RARB: variants seen among roughly 807,000 people sequenced by gnomAD.
The protein encoded by RARB is retinoic acid receptor beta, also known as HBV-activated protein.
RARB carries 17 observed loss-of-function variants against 51.9 expected under a neutral mutation model. The observed-to-expected ratio is 0.33, with a 90% CI of 0.22 to 0.49. The LOEUF (loss-of-function observed/expected upper bound fraction) is 0.49. Ranked by LOEUF, RARB falls within the 20% of genes least tolerant of loss-of-function variation. The pLI is 0.99. For synonymous variants in RARB, 215 were observed against 195.4 expected (o/e 1.10, Z -0.84); for missense variants, 369 against 550.8 (o/e 0.67, Z 3.30).
intron 1 of RARB, among the ~76,000 whole-genome samples, chr3:24,832,639 A>G (rs1171241599): frequency 7.0e-6 from 1 of 141,892 alleles, no homozygotes; most frequent in African/African-American, 2.7e-5. Context: ...ATATATATAT[A>G]TATATATATA....
intron 5 of RARB, among the ~76,000 whole-genome samples, chr3:25,353,123 G>A (rs184079885): frequency 2.0e-5 from 3 of 152,130 alleles, no homozygotes; most frequent in Non-Finnish European, 4.4e-5. Flanking sequence ...TCAACACACA[G>A]CTGCCTTTAC....
At chr3:25,066,880 G>A (rs1449071815) in intron 3 of RARB, among the ~76,000 whole-genome samples, 1 of 152,076 alleles carries the variant, frequency 6.6e-6, no homozygotes, top group Non-Finnish European at 1.5e-5. Flanking sequence ...TGGCTCACCG[G>A]TCTGGTCATG....
chr3:25,280,472 A>G (rs1244168027), intron 5 of RARB, among the ~76,000 whole-genome samples: 3 of 152,160 alleles, frequency 2.0e-5, no homozygotes, highest in Non-Finnish European at 4.4e-5. Flanking sequence ...TGAAACGCTG[A>G]GTGAAATGAC....
chr3:25,346,931 G>A (rs1218727562), intron 5 of RARB, among the ~76,000 whole-genome samples: 1 of 152,220 alleles, frequency 6.6e-6, no homozygotes, highest in Non-Finnish European at 1.5e-5. Flanking sequence ...CTATAGTCAA[G>A]TTAGTAAGAG....
At chr3:24,855,372 T>C (rs1702618136) in intron 1 of RARB, among the ~76,000 whole-genome samples, 1 of 152,142 alleles carries the variant, frequency 6.6e-6, no homozygotes, top group Non-Finnish European at 1.5e-5. Flanking sequence ...TAGAAAGGCA[T>C]GGCAGGAAAA....
rs766378555 is a variant in RARB, at chr3:25,421,403, CTTTTTTT to C, written c.179-39768_179-39762del. On this transcript the variant is annotated intron_variant, in intron 5 of 11. Transcript: ENST00000383772. ...TTGCACTAACATTTTTTCTTCTTTTCTTTTTTTTTTTTTTTTTTTTTTTTTTTTGAGA... is the reference window on the plus strand; with the variant it reads ...TTGCACTAACATTTTTTCTTCTTTTCTTTTTTTTTTTTTTTTTTTTTGAGA... Among the ~76,000 whole-genome samples, 346 of 72,322 alleles carry C rather than the reference CTTTTTTT, an allele frequency of 4.8e-3. 1 individual carries two copies. The highest frequency in any genetic ancestry group is 0.02 in the African/African-American group (312 of 15,460). The allele number at this position is 72,322 out of a possible 152,430, so 47.4% of individuals were successfully genotyped here.
intron 3 of RARB, among the ~76,000 whole-genome samples, chr3:25,528,488 A>G (rs980949308): frequency 4.6e-5 from 7 of 151,874 alleles, no homozygotes; most frequent in African/African-American, 1.5e-4. Flanking sequence ...AACTGAGGTA[A>G]CTCACCCAGA....
chr3:25,026,076 A>G (rs112308547), intron 2 of RARB, among the ~76,000 whole-genome samples: 115 of 152,260 alleles, frequency 7.6e-4, no homozygotes, highest in Non-Finnish European at 1.0e-3. Flanking sequence ...TTAAGTTTTC[A>G]TGAGTGCTCT....
intron 2 of RARB, among the ~76,000 whole-genome samples, chr3:24,872,997 G>A (rs1702975625): frequency 6.6e-6 from 1 of 152,162 alleles, no homozygotes; most frequent in Non-Finnish European, 1.5e-5. Flanking sequence ...CAGCTTTGTG[G>A]ACCATACATC....
chr3:25,213,543 G>T (rs1701748806), intron 5 of RARB, among the ~76,000 whole-genome samples: 1 of 152,042 alleles, frequency 6.6e-6, no homozygotes, highest in Admixed American at 6.6e-5. Flanking sequence ...CATGTCTTTT[G>T]GTGACCACGT....
rs570002046 is a variant in RARB at position 25,030,270 on chromosome 3, C to T, written c.-379-29855C>T. Reference sequence around the variant, plus strand: ...CCCTTACACATGTTAAAGCCAGCAGCGCTAGCTGAAAATTACATATATTTT... The same window carrying T: ...CCCTTACACATGTTAAAGCCAGCAGTGCTAGCTGAAAATTACATATATTTT... On this transcript the variant is annotated intron_variant, in intron 2 of 11. Transcript: ENST00000383772. Among the ~76,000 whole-genome samples, 95 of 152,296 alleles carry T rather than the reference C, an allele frequency of 6.2e-4. 1 individual carries two copies. Among genetic ancestry groups the T allele is most frequent in the African/African-American group, 2.1e-3 (89 of 41,580 alleles).
intron 5 of RARB, among the ~76,000 whole-genome samples, chr3:25,234,645 A>AC (rs1280690411): frequency 6.9e-6 from 1 of 145,654 alleles, no homozygotes; most frequent in Non-Finnish European, 1.5e-5. Context: ...TTTCCCTGGG[A>AC]CTTTTTTTTC....
intron 1 of RARB, among the ~76,000 whole-genome samples, chr3:25,451,039 A>C (rs1709172277): frequency 6.6e-6 from 1 of 152,196 alleles, no homozygotes; most frequent in African/African-American, 2.4e-5. Flanking sequence ...GTGAGCTGAG[A>C]TCGTGCCATG....
rs1443893296 is a variant in RARB at position 25,428,580 on chromosome 3, C to T, written c.-152C>T. On this transcript the variant is annotated 5_prime_UTR_variant, in exon 1 of 8. Transcript: ENST00000330688. Reference sequence around the variant, plus strand: ...ACAGGCTTTTAGCTGGCTTGTCTGTCATAATTCATGATTCGGGGCTGGGAA... The same window carrying T: ...ACAGGCTTTTAGCTGGCTTGTCTGTTATAATTCATGATTCGGGGCTGGGAA... The T allele has an allele frequency of 1.5e-6, 2 of 1,372,742 alleles. No homozygotes were observed. The highest frequency in any genetic ancestry group is 5.5e-5 in the Admixed American group (2 of 36,568). The allele number at this position is 1,372,742 out of a possible 1,614,324, so 85.0% of individuals were successfully genotyped here.
chr3:24,946,245 C>G (rs13098681), intron 2 of RARB, among the ~76,000 whole-genome samples: 1 of 129,902 alleles, frequency 7.7e-6, no homozygotes, highest in Non-Finnish European at 1.6e-5. Flanking sequence ...GCCTGGGGGA[C>G]AAAATGAGAC....
At chr3:25,008,091 T>G (rs1462708431) in intron 2 of RARB, among the ~76,000 whole-genome samples, 1 of 152,156 alleles carries the variant, frequency 6.6e-6, no homozygotes, top group Non-Finnish European at 1.5e-5. Context: ...ACAGAGATAT[T>G]AGTATTTGTA....
intron 5 of RARB, among the ~76,000 whole-genome samples, chr3:25,290,537 G>A (rs188922): frequency 0.11 from 16,603 of 152,178 alleles, 1,062 homozygotes; most frequent in South Asian, 0.21. Flanking sequence ...CAGGAAACAC[G>A]CCTTCATGAC....
intron 5 of RARB, among the ~76,000 whole-genome samples, chr3:25,350,001 A>G (rs930081297): frequency 1.3e-5 from 2 of 151,858 alleles, no homozygotes; most frequent in Non-Finnish European, 2.9e-5. Flanking sequence ...GTCTCACCAC[A>G]TGACTGGATT....
chr3:25,433,027 A>G (rs1208949416), intron 1 of RARB, among the ~76,000 whole-genome samples: 1 of 152,206 alleles, frequency 6.6e-6, no homozygotes, highest in Admixed American at 6.5e-5. Context: ...TTTATACTTT[A>G]AATGTTCTAA....
Sources: gnomAD v4.1 joint callset for allele counts (sites outside exome capture counted in the v4.1 genomes callset) on GRCh38, gnomAD v4.1.1 for gene constraint, MANE v1.5 for transcripts, NCBI Gene and HGNC (gene_info 2026-07-23, HGNC 2026-07-21) for gene names.